Variants in SP140 observed in about 807,000 individuals in gnomAD.
SP140 encodes the protein nuclear body protein SP140.
SP140 carries 81 observed loss-of-function variants against 125.0 expected under a neutral mutation model. The observed-to-expected ratio is 0.65, with a 90% confidence interval of 0.54 to 0.78. SP140 has a LOEUF of 0.78. Ranked by LOEUF, SP140 falls within the 30% of genes least tolerant of loss-of-function variation. The pLI, the probability that SP140 is intolerant of heterozygous loss-of-function variation, is 0.00. For missense variants in SP140, 858 were observed against 1,037.0 expected, an observed-to-expected ratio of 0.83 and a Z score of 2.37; for synonymous variants, 312 against 354.0, an observed-to-expected ratio of 0.88 and a Z score of 1.33.
chr2:230,269,995 G>A (rs1212152493), intron 14 of SP140, 42 bp downstream of exon 14: 2 of 1,322,808 alleles, frequency 1.5e-6, no homozygotes, highest in South Asian at 2.4e-5. Context: ...TGGCTCAGTG[G>A]GCCCCACAGA....
chr2:230,215,483 AATGGTTCTAGTG>A (rs2045036234), intron 3 of SP140, among the ~76,000 whole-genome samples: 1 of 152,186 alleles, frequency 6.6e-6, no homozygotes, highest in African/African-American at 2.4e-5. Context: ...ATACTTCAGC[AATGGTTCTAGTG>A]ATGGTCACAG....
chr2:230,207,907 A>T (rs1320491342), intron 1 of SP140: 1 of 724,430 alleles, frequency 1.4e-6, no homozygotes, highest in African/African-American at 1.8e-5. Context: ...CATTTAGAAT[A>T]AAATTCAACC....
chr2:230,235,868 G>GTTTTTTTTTTTTTTTT (rs984054259), intron 1 of SP140, among the ~76,000 whole-genome samples: 2 of 77,982 alleles, frequency 2.6e-5, no homozygotes, highest in Non-Finnish European at 4.6e-5. Context: ...TCTTGTGACT[G>GTTTTTTTTTTTTTTTT]TTTTTTTTTT....
chr2:230,216,212 A>G (rs2045157583), intron 3 of SP140, among the ~76,000 whole-genome samples: 2 of 152,178 alleles, frequency 1.3e-5, no homozygotes, highest in African/African-American at 2.4e-5. Flanking sequence ...TCCATCTAGA[A>G]TCTGTGAATG....
intron 22 of SP140, among the ~76,000 whole-genome samples, chr2:230,301,658 TCAAAATATAC>T (rs752498681): frequency 6.6e-6 from 1 of 151,920 alleles, no homozygotes; most frequent in Non-Finnish European, 1.5e-5. Flanking sequence ...AAACAATATA[TCAAAATATAC>T]CAAAATAGAA....
At chr2:230,311,924 T>C (rs1408931947) in intron 26 of SP140, among the ~76,000 whole-genome samples, 1 of 152,306 alleles carries the variant, frequency 6.6e-6, no homozygotes, top group East Asian at 1.9e-4. Context: ...GTATTGTGCT[T>C]CTTATCTGCT....
chr2:230,213,248 G>A lies in SP140; in HGVS notation c.-322-406G>A, dbSNP rs182828951. On this transcript the variant is annotated intron_variant, in intron 1 of 4. Coordinates refer to the SP140 transcript ENST00000456542. ...TGAGTGCTACAATAAGTGCATCTAA[G>A]CCCTGATCTAATACCAAAATGGTTT... 2.6e-5 allele frequency among the ~76,000 whole-genome samples: 4 copies of A among 152,244 alleles called. No homozygotes were observed. The East Asian group carries it at 7.7e-4, about 29-fold the overall frequency.
intron 4 of SP140, among the ~76,000 whole-genome samples, chr2:230,243,476 A>G (rs78244371): frequency 0.023 from 3,564 of 152,306 alleles, 76 homozygotes; most frequent in Non-Finnish European, 0.035. Context: ...GTACAGAAAC[A>G]GGTGGAAAGA....
chr2:230,212,996 GTC>G, intron 1 of SP140: 1 of 1,614,066 alleles, frequency 6.2e-7, no homozygotes, highest in South Asian at 1.1e-5. Context: ...GGATTGGTGT[GTC>G]TCTGCTCTGC....
intron 15 of SP140, among the ~76,000 whole-genome samples, chr2:230,283,319 C>G (rs528146525): frequency 8.0e-4 from 122 of 152,224 alleles, no homozygotes; most frequent in Non-Finnish European, 1.6e-3. Context: ...ATTCCAGTGG[C>G]TGTACCTTCA....
chr2:230,189,858 G>T, the SP140 span, among the ~76,000 whole-genome samples: 1 of 152,264 alleles, frequency 6.6e-6, no homozygotes, highest in African/African-American at 2.4e-5. Context: ...CCATGTACCT[G>T]CAAAGGACAT....
Position 230,217,261 on chromosome 2 carries a change from A to G in SP140, c.-91+3187A>G, listed in dbSNP as rs1342411533. Among the ~76,000 whole-genome samples the G allele has an allele frequency of 4.0e-5, 6 of 151,842 alleles. No individual in the cohort carries two copies. In the East Asian group the frequency reaches 1.2e-3, roughly 29 times the overall value. ...ACTCCATCTCAAAAAAAAAAAAAAAAAAAATAGAAGCAAAACCTTGAGGAA... is the reference window on the plus strand; with the variant it reads ...ACTCCATCTCAAAAAAAAAAAAAAAGAAAATAGAAGCAAAACCTTGAGGAA... On this transcript the variant is annotated intron_variant, in intron 3 of 4. Coordinates refer to the SP140 transcript ENST00000456542.
At chr2:230,260,820 C>T (rs983623994) in intron 12 of SP140, among the ~76,000 whole-genome samples, 2 of 152,170 alleles carry the variant, frequency 1.3e-5, no homozygotes, top group African/African-American at 2.4e-5. Flanking sequence ...TGTACCAGTA[C>T]CACTCTGTTT....
rs1215077563 is a variant in SP140 at position 230,290,568 on chromosome 2, G to C, written c.1825+4G>C. The C allele has an allele frequency of 1.2e-6, 2 of 1,604,028 alleles. No homozygotes were observed. The highest frequency in any genetic ancestry group is 1.7e-6 in the Non-Finnish European group (2 of 1,172,982). ...CATAAGAAGAAATTGCAGCAAGGTA[G>C]GTTTTATGGTCTTCTTTAATTTGCA... On this transcript the variant is annotated splice_donor_region_variant and intron_variant, in intron 19 of 26. Transcript: ENST00000392045.
At chr2:230,283,650 C>G (rs1372622167) in intron 15 of SP140, among the ~76,000 whole-genome samples, 2 of 152,172 alleles carry the variant, frequency 1.3e-5, no homozygotes, top group Non-Finnish European at 2.9e-5. Context: ...TACTGCCCTC[C>G]CATAGTGTGC....
intron 12 of SP140, among the ~76,000 whole-genome samples, chr2:230,265,976 G>A (rs901899157): frequency 6.6e-6 from 1 of 152,088 alleles, no homozygotes; most frequent in Admixed American, 6.5e-5. Flanking sequence ...ATTCAGTGTG[G>A]GTGACTGATG....
chr2:230,267,885 A>T (rs75006489), intron 12 of SP140, among the ~76,000 whole-genome samples: 3,908 of 152,246 alleles, frequency 0.026, 169 homozygotes, highest in African/African-American at 0.089. Context: ...GCCCTCATGA[A>T]GGTTTTGATG....
intron 19 of SP140, 25 bp downstream of exon 19, chr2:230,290,589 T>G (rs1356841650): frequency 6.5e-7 from 1 of 1,546,994 alleles, no homozygotes. Flanking sequence ...CTTCTTTAAT[T>G]TGCAGCTCCT....
At chr2:230,196,660 T>C in the SP140 span, among the ~76,000 whole-genome samples, 1 of 152,074 alleles carries the variant, frequency 6.6e-6, no homozygotes, top group Non-Finnish European at 1.5e-5. Flanking sequence ...TCATTTAGCA[T>C]TAGGTATATC....
Sources: allele counts gnomAD v4.1 joint callset (sites outside exome capture counted in the v4.1 genomes callset), GRCh38; gene constraint gnomAD v4.1.1; transcripts MANE v1.5; gene names NCBI Gene and HGNC (gene_info 2026-07-23, HGNC 2026-07-21).